Variants in LTBP1 observed in about 807,000 individuals in gnomAD.
The protein encoded by LTBP1 is latent transforming growth factor beta binding protein 1.
LTBP1 carries 129 observed loss-of-function variants against 207.6 expected under a neutral mutation model. That is an observed-to-expected ratio of 0.62 (90% confidence interval 0.54 to 0.72). The LOEUF (loss-of-function observed/expected upper bound fraction) is 0.72. LTBP1 is among the 30% of genes least tolerant of loss of function. LTBP1 has a pLI of 0.00. For synonymous variants in LTBP1, 963 were observed against 833.7 expected (o/e 1.16, Z -2.67); for missense variants, 2,281 against 2,217.2 (o/e 1.03, Z -0.58).
Position 33,301,633 on chromosome 2 carries a change from A to G in LTBP1, c.3470A>G (p.Asp1157Gly). ...GGTTACAGAGCATCTGGGCTTGGAG[A>G]CCACTGTGAAGGTAAGAATTGCTCC... ...DQGYRASGLG[D>G]HCEDINECLE... Residue 1157 changes from aspartate to glycine, a missense_variant, in exon 22 of 34, where the codon GAC becomes GGC. Physicochemically the swap from Asp to Gly is moderately conservative, Grantham distance 94. Transcript: ENST00000404816. 1 of 1,597,402 alleles carries G rather than the reference A, an allele frequency of 6.3e-7. No homozygotes were observed. Among genetic ancestry groups the G allele is most frequent in the Non-Finnish European group, 8.5e-7 (1 of 1,174,682 alleles).
At chr2:33,079,753 C>T (rs979331949) in intron 3 of LTBP1, among the ~76,000 whole-genome samples, 1 of 152,172 alleles carries the variant, frequency 6.6e-6, no homozygotes, top group Non-Finnish European at 1.5e-5. Context: ...GGCCATCAGC[C>T]TCCCACCTCC....
intron 4 of LTBP1, among the ~76,000 whole-genome samples, chr2:33,132,268 A>G (rs2081857967): frequency 6.6e-6 from 1 of 152,236 alleles, no homozygotes; most frequent in African/African-American, 2.4e-5. Context: ...GCTACTGTGA[A>G]AAAGCAAATC....
At chr2:33,082,652 C>T (rs992135960) in intron 3 of LTBP1, among the ~76,000 whole-genome samples, 3 of 151,892 alleles carry the variant, frequency 2.0e-5, no homozygotes, top group Non-Finnish European at 4.4e-5. Flanking sequence ...GTCTCAATCT[C>T]CTGACCTCGT....
chr2:33,168,725 G>T (rs2085155754), intron 5 of LTBP1, among the ~76,000 whole-genome samples: 1 of 152,010 alleles, frequency 6.6e-6, no homozygotes, highest in African/African-American at 2.4e-5. Flanking sequence ...CCTGCCTAAG[G>T]GTTTTCCAGT....
rs903526337 is a variant in LTBP1 at position 33,334,072 on chromosome 2, T to A, written c.3731-8766T>A. ...AGCTCTACTAAGAGGACAAGAAGAA[T>A]CCTTTGGGTTTTACAAAATGGTGAC... On this transcript the variant is annotated intron_variant, in intron 24 of 33. Transcript: ENST00000404816. 2.6e-5 allele frequency among the ~76,000 whole-genome samples: 4 copies of A among 152,192 alleles called. No homozygotes were observed. In the East Asian group the frequency reaches 7.7e-4, roughly 29 times the overall value.
intron 2 of LTBP1, among the ~76,000 whole-genome samples, chr2:33,010,594 C>T (rs1687541471): frequency 6.6e-6 from 1 of 152,090 alleles, no homozygotes; most frequent in Non-Finnish European, 1.5e-5. Context: ...ACTTGATCAT[C>T]ACACATTCTC....
chr2:33,337,059 AC>A, intron 24 of LTBP1, among the ~76,000 whole-genome samples: 1 of 152,158 alleles, frequency 6.6e-6, no homozygotes, highest in Non-Finnish European at 1.5e-5. Context: ...CATGACCCCA[AC>A]CTCTTTTAGA....
chr2:33,347,585 A>G, intron 26 of LTBP1, 75 bp downstream of exon 26: 2 of 1,570,630 alleles, frequency 1.3e-6, no homozygotes, highest in African/African-American at 1.3e-5. Context: ...CTTTGGGATA[A>G]ACGCTGGGAG....
At chr2:33,277,777 CTT>C (rs1334390928) in intron 18 of LTBP1, among the ~76,000 whole-genome samples, 2 of 54,676 alleles carry the variant, frequency 3.7e-5, no homozygotes, top group Non-Finnish European at 9.6e-5. Context: ...TTCTTTCTTT[CTT>C]TCTTTCTTTC....
At chr2:33,059,285 A>G (rs1374828293) in intron 3 of LTBP1, among the ~76,000 whole-genome samples, 4 of 152,206 alleles carry the variant, frequency 2.6e-5, no homozygotes, top group Non-Finnish European at 5.9e-5. Context: ...GATGATTTAA[A>G]TTAGTTTTAA....
chr2:33,106,685 G>A (rs1027879041), intron 3 of LTBP1, among the ~76,000 whole-genome samples: 2 of 151,598 alleles, frequency 1.3e-5, no homozygotes, highest in African/African-American at 4.9e-5. Context: ...TGCTGCAAAC[G>A]CATGTGCTGT....
rs72855713 is a variant in LTBP1, at chr2:33,164,633, C to T, written c.1202-22223C>T. ...TGATGTCATTTGGAATAAAAAATGA[C>T]CCAAAAAGCTCTACTGGGAAAAATA... On this transcript the variant is annotated intron_variant, in intron 5 of 33. Coordinates refer to ENST00000404816, the MANE Select transcript of LTBP1 (RefSeq NM_206943.4). 8.0e-3 allele frequency among the ~76,000 whole-genome samples: 1,212 copies of T among 152,048 alleles called. 13 individuals are homozygous for T. The highest frequency in any genetic ancestry group is 0.028 in the African/African-American group (1,148 of 41,464).
intron 2 of LTBP1, among the ~76,000 whole-genome samples, chr2:32,979,661 G>A (rs1682454101): frequency 6.6e-6 from 1 of 152,110 alleles, no homozygotes; most frequent in Non-Finnish European, 1.5e-5. Flanking sequence ...TGTAGCCACT[G>A]GATGAAATGT....
chr2:33,191,595 A>C lies in LTBP1; in HGVS notation c.1701+2744A>C, dbSNP rs188170577. ...AAATACATTACTGGCAAATAATCAT[A>C]GTGTGTAGGTGTATCCTACTATCCT... On this transcript the variant is annotated intron_variant, in intron 7 of 33. Coordinates refer to ENST00000404816, the MANE Select transcript of LTBP1 (RefSeq NM_206943.4). Among the ~76,000 whole-genome samples, 32 of 152,282 alleles carry C rather than the reference A, an allele frequency of 2.1e-4. No individual in the cohort carries two copies. The East Asian group carries it at 5.0e-3, about 24-fold the overall frequency.
chr2:33,316,584 T>C (rs1212242660), intron 24 of LTBP1, among the ~76,000 whole-genome samples: 2 of 151,904 alleles, frequency 1.3e-5, no homozygotes, highest in Non-Finnish European at 2.9e-5. Flanking sequence ...AGCAAACAGA[T>C]TGAGGGGTTT....
chr2:33,280,162 G>A lies in LTBP1; in HGVS notation c.3112+4G>A, dbSNP rs1198100108. The A allele has an allele frequency of 1.2e-6, 2 of 1,612,862 alleles. No homozygotes were observed. The highest frequency in any genetic ancestry group is 2.2e-5 in the South Asian group (2 of 90,628). On this transcript the variant is annotated splice_donor_region_variant and intron_variant, in intron 19 of 33. Transcript: ENST00000404816. ...GGCTGGAATGGACAGTGCCTTGGTA[G>A]GTACTATAGTGTACTTATCAAAGAT...
At position 33,353,204 on chromosome 2, in the gene LTBP1, A is replaced by G. The variant is rs140364389; in HGVS notation, c.4000+5694A>G. Among the ~76,000 whole-genome samples, 1,007 of 152,070 alleles carry G rather than the reference A, an allele frequency of 6.6e-3. 9 individuals are homozygous for G. Among genetic ancestry groups the G allele is most frequent in the South Asian group, 0.036 (176 of 4,822 alleles). On this transcript the variant is annotated intron_variant, in intron 26 of 33. Transcript: ENST00000404816. ...ATGTTGACCAGCCTGGTCTTGAACT[A>G]CTGACCTCAAGTGATCTGCCTGCCT...
In LTBP1 at chr2:33,347,678, A is replaced by G. The variant is rs2094722458; in HGVS notation, c.4000+168A>G. 2.6e-5 allele frequency among the ~76,000 whole-genome samples: 4 copies of G among 152,178 alleles called. No individual in the cohort carries two copies. In the South Asian group the frequency reaches 8.3e-4, roughly 31 times the overall value. On this transcript the variant is annotated intron_variant, in intron 26 of 33. Transcript: ENST00000404816. ...TCTTCTGTGCCTGCCTTGTCAGTGG[A>G]ATTAAGATGTGGGTGATGACTCTTT... is the stretch of plus-strand genomic sequence containing the variant.
intron 24 of LTBP1, among the ~76,000 whole-genome samples, chr2:33,319,363 A>T (rs949973809): frequency 6.6e-6 from 1 of 151,408 alleles, no homozygotes; most frequent in Non-Finnish European, 1.5e-5. Flanking sequence ...GCGCCATTGC[A>T]CTCCAGCCTG....
Sources: gnomAD v4.1 joint callset for allele counts (sites outside exome capture counted in the v4.1 genomes callset) on GRCh38, gnomAD v4.1.1 for gene constraint, MANE v1.5 for transcripts, NCBI Gene and HGNC (gene_info 2026-07-23, HGNC 2026-07-21) for gene names.